The following PTPRJ variants were observed in gnomAD, a reference collection of about 807,000 sequenced individuals.
PTPRJ encodes protein tyrosine phosphatase receptor type J, also known as receptor-type tyrosine-protein phosphatase eta.
In PTPRJ, 129 loss-of-function variants were observed where a neutral mutation model predicts 141.3. The observed-to-expected ratio is 0.91, with a 90% confidence interval of 0.79 to 1.06. The LOEUF (loss-of-function observed/expected upper bound fraction) is 1.06, where lower values mean the gene tolerates loss of function less well. PTPRJ is among the 50% of genes least tolerant of loss of function. The pLI is 0.00. For synonymous variants in PTPRJ, 610 were observed against 640.5 expected, an observed-to-expected ratio of 0.95 and a Z score of 0.72; for missense variants, 1,601 against 1,679.7, an observed-to-expected ratio of 0.95 and a Z score of 0.82.
At chr11:48,121,313 T>C in intron 4 of PTPRJ, 47 bp downstream of exon 4, 1 of 1,594,054 alleles carries the variant, frequency 6.3e-7, no homozygotes, top group Non-Finnish European at 8.6e-7. Flanking sequence ...TTTCTTATTA[T>C]GGTGTATTCT....
rs886918722 is a variant in PTPRJ, at chr11:48,069,103, C to G, written c.97-40955C>G. On this transcript the variant is annotated intron_variant, in intron 1 of 24. Transcript: ENST00000418331. The stretch of plus-strand genomic sequence containing the variant: ...AGATGTGTACCCATTTTCAAATGTT[C>G]TTTTTTTTTTTTTTCAGATGGAGTC... Among the ~76,000 whole-genome samples, 8 of 142,944 alleles carry G rather than the reference C, an allele frequency of 5.6e-5. No homozygotes were observed. In the Admixed American group the frequency reaches 5.7e-4, roughly 10 times the overall value. The allele number at this position is 142,944 out of a possible 152,430, so 93.8% of individuals were successfully genotyped here.
In PTPRJ at chr11:48,094,057, T is replaced by C. The variant is rs558177390; in HGVS notation, c.97-16001T>C. On this transcript the variant is annotated intron_variant, in intron 1 of 24. Transcript: ENST00000418331. ...GTGGGTCATTGGCTCCTGAGTAAGA[T>C]AGATGCATGCAATAGAAGAGCTGTT... Among the ~76,000 whole-genome samples, 8 of 152,336 alleles carry C rather than the reference T, an allele frequency of 5.3e-5. No individual in the cohort carries two copies. The South Asian group carries it at 1.2e-3, about 24-fold the overall frequency.
At chr11:47,982,651 ATT>A (rs897146907) in intron 1 of PTPRJ, among the ~76,000 whole-genome samples, 1 of 148,430 alleles carries the variant, frequency 6.7e-6, no homozygotes, top group Non-Finnish European at 1.5e-5. Context: ...AATATATGTA[ATT>A]TTTTTTTTGC....
At chr11:47,986,262 G>A (rs899254439) in intron 1 of PTPRJ, among the ~76,000 whole-genome samples, 7 of 152,192 alleles carry the variant, frequency 4.6e-5, no homozygotes, top group Non-Finnish European at 8.8e-5. Flanking sequence ...ACTGGGGTCT[G>A]GGATGGAAAG....
chr11:48,005,599 G>A (rs535200289), intron 1 of PTPRJ, among the ~76,000 whole-genome samples: 1 of 152,316 alleles, frequency 6.6e-6, no homozygotes, highest in South Asian at 2.1e-4. Context: ...CCTTTTATGA[G>A]CTGATGGTCG....
chr11:48,123,898 C>G (rs1856772353), intron 5 of PTPRJ, 28 bp downstream of exon 5: 2 of 1,590,646 alleles, frequency 1.3e-6, no homozygotes, highest in Non-Finnish European at 1.7e-6. Context: ...CCTTCCGTCT[C>G]CCTTACTGGT....
intron 1 of PTPRJ, among the ~76,000 whole-genome samples, chr11:48,078,239 G>A (rs1165562384): frequency 6.6e-6 from 1 of 152,026 alleles, no homozygotes; most frequent in Non-Finnish European, 1.5e-5. Flanking sequence ...TGTGTTTTTA[G>A]TAGAGACAGG....
intron 1 of PTPRJ, among the ~76,000 whole-genome samples, chr11:48,075,081 A>G (rs950945203): frequency 2.0e-5 from 3 of 152,310 alleles, no homozygotes; most frequent in African/African-American, 4.8e-5. Flanking sequence ...TGAACCTCCA[A>G]GATTTTTCTG....
chr11:48,057,025 TATGAA>T (rs1854772347), intron 1 of PTPRJ, among the ~76,000 whole-genome samples: 1 of 151,994 alleles, frequency 6.6e-6, no homozygotes, highest in South Asian at 2.1e-4. Flanking sequence ...AGCTCATAAA[TATGAA>T]AAGAGCAGGG....
chr11:47,995,243 G>C (rs755365880), intron 1 of PTPRJ, among the ~76,000 whole-genome samples: 44 of 152,018 alleles, frequency 2.9e-4, no homozygotes, highest in Admixed American at 5.2e-4. Context: ...AGCTACCATC[G>C]GTTGAATATT....
At chr11:48,132,286 A>G (rs1345297435) in intron 8 of PTPRJ, 8 of 984,176 alleles carry the variant, frequency 8.1e-6, no homozygotes, top group Non-Finnish European at 9.7e-6. Context: ...CCATCGTCCC[A>G]GCTACTTGAG....
rs1857938836 is a variant in PTPRJ, at chr11:48,167,281, C to T, written c.3933C>T (p.Tyr1311=). ...SQKDSKVDLI[Y]QNTTAMTIYE... ...AAGACTCAAAAGTAGATCTTATCTACCAGAACACAACTGCAATGACAATCT... is the reference window on the plus strand; with the variant it reads ...AAGACTCAAAAGTAGATCTTATCTATCAGAACACAACTGCAATGACAATCT... Residue 1311 remains tyrosine, a synonymous_variant, in exon 25 of 25, where the codon TAC becomes TAT. Transcript: ENST00000418331. 1.2e-6 allele frequency: 2 copies of T among 1,613,222 alleles called. No individual in the cohort carries two copies. The highest frequency in any genetic ancestry group is 2.2e-5 in the East Asian group (1 of 44,886).
chr11:48,079,411 C>T (rs1012113183), intron 1 of PTPRJ, among the ~76,000 whole-genome samples: 4 of 151,604 alleles, frequency 2.6e-5, no homozygotes, highest in South Asian at 2.1e-4. Flanking sequence ...GCCTTCATGA[C>T]GCTCGTGTGT....
intron 1 of PTPRJ, among the ~76,000 whole-genome samples, chr11:47,986,669 G>A (rs549581129): frequency 4.6e-5 from 7 of 152,198 alleles, no homozygotes; most frequent in African/African-American, 1.4e-4. Flanking sequence ...GGCACGCTCC[G>A]TCATGTCTGG....
rs751724128 is a variant in PTPRJ, at chr11:48,139,619, G to A, written c.2286G>A (p.Ala762=). 17 of 1,614,226 alleles carry A rather than the reference G, an allele frequency of 1.1e-5. No homozygotes were observed. In the East Asian group the frequency reaches 2.0e-4, roughly 19 times the overall value. The change falls in exon 11 of 25, where the codon GCG becomes GCA. Residue 762 remains alanine, a synonymous_variant. Coordinates refer to ENST00000418331, the MANE Select transcript of PTPRJ (RefSeq NM_002843.4). The part of the protein sequence containing the change: ...LEVSSGAWNN[A]THLESCSSEN... ...TCAGCAGTGGAGCCTGGAACAATGCGACCCACCTGGAGAGCTGCTCCTCTG... is the reference window on the plus strand; with the variant it reads ...TCAGCAGTGGAGCCTGGAACAATGCAACCCACCTGGAGAGCTGCTCCTCTG...
chr11:48,117,251 A>T (rs1856590270), intron 3 of PTPRJ, among the ~76,000 whole-genome samples: 1 of 152,184 alleles, frequency 6.6e-6, no homozygotes, highest in Non-Finnish European at 1.5e-5. Context: ...ACATCAAAAA[A>T]GAAAGCTCCC....
intron 1 of PTPRJ, among the ~76,000 whole-genome samples, chr11:48,101,405 A>G (rs1856145185): frequency 6.6e-6 from 1 of 152,118 alleles, no homozygotes; most frequent in African/African-American, 2.4e-5. Context: ...CCTTGGAAGG[A>G]CCCAGGTGAC....
intron 1 of PTPRJ, among the ~76,000 whole-genome samples, chr11:48,090,323 GAGGAAGT>G (rs1036345143): frequency 6.6e-6 from 1 of 152,160 alleles, no homozygotes; most frequent in African/African-American, 2.4e-5. Context: ...AGGCTTCAGG[GAGGAAGT>G]AGGAAGTAGG....
At chr11:48,001,950 A>G (rs1854510865) in intron 1 of PTPRJ, among the ~76,000 whole-genome samples, 1 of 152,100 alleles carries the variant, frequency 6.6e-6, no homozygotes, top group Admixed American at 6.6e-5. Flanking sequence ...TTGTTGTTCA[A>G]GTTGGTGACA....
Sources: allele counts gnomAD v4.1 joint callset (sites outside exome capture counted in the v4.1 genomes callset), GRCh38; gene constraint gnomAD v4.1.1; transcripts MANE v1.5; gene names NCBI Gene and HGNC (gene_info 2026-07-23, HGNC 2026-07-21).